Variants in MED13L observed in about 807,000 individuals in gnomAD.
MED13L encodes mediator complex subunit 13L.
Under a neutral mutation model 220.9 loss-of-function variants are expected in MED13L, and 7 were observed. The observed-to-expected ratio is 0.03, with a 90% CI of 0.02 to 0.06. The LOEUF (loss-of-function observed/expected upper bound fraction) is 0.06. Ranked by LOEUF, MED13L falls within the 10% of genes least tolerant of loss-of-function variation. The pLI, the probability that MED13L is intolerant of heterozygous loss-of-function variation, is 1.00. For synonymous variants in MED13L, 1,011 were observed against 1,015.2 expected (o/e 1.00, Z 0.08); for missense variants, 1,965 against 2,760.5 (o/e 0.71, Z 6.46).
In MED13L at chr12:115,975,340, G is replaced by C. The variant is rs750892689; in HGVS notation, c.5589-27C>G. 2.5e-6 allele frequency: 4 copies of C among 1,613,976 alleles called. No homozygotes were observed. In the South Asian group the frequency reaches 3.3e-5, roughly 13 times the overall value. On this transcript the variant is annotated intron_variant, in intron 24 of 30. Transcript: ENST00000281928. The stretch of plus-strand genomic sequence containing the variant: ...TAACAAATAAAGAAATGGGGAAGGG[G>C]AAGGGGTCCCTAGATAAATCAGAGT...
rs1254204157 is a variant in MED13L at position 116,277,257 on chromosome 12, G to A, written c.-126C>T. On this transcript the variant is annotated 5_prime_UTR_variant, in exon 1 of 31. Transcript: ENST00000281928. Reference sequence around the variant, plus strand: ...GGCCGGGCCGCCGCCGCCGCCGGGGGAGGGCGCGAGGGCCGGCGGGCAGGC... The same window carrying A: ...GGCCGGGCCGCCGCCGCCGCCGGGGAAGGGCGCGAGGGCCGGCGGGCAGGC... 28 of 247,112 alleles carry A rather than the reference G, an allele frequency of 1.1e-4. No individual in the cohort carries two copies. The highest frequency in any genetic ancestry group is 1.5e-4 in the Non-Finnish European group (24 of 158,964). The allele number at this position is 247,112 out of a possible 1,614,324, so 15.3% of individuals were successfully genotyped here.
At chr12:115,966,600 AG>A (rs1036388773) in intron 28 of MED13L, among the ~76,000 whole-genome samples, 3 of 152,206 alleles carry the variant, frequency 2.0e-5, no homozygotes, top group African/African-American at 7.2e-5. Flanking sequence ...CTCTTTCACC[AG>A]CAACCAGCCA....
At chr12:116,193,444 C>T (rs995460854) in intron 2 of MED13L, among the ~76,000 whole-genome samples, 1 of 152,060 alleles carries the variant, frequency 6.6e-6, no homozygotes, top group African/African-American at 2.4e-5. Context: ...AACTCAAGCA[C>T]AAATATCAAC....
intron 4 of MED13L, among the ~76,000 whole-genome samples, chr12:116,087,002 G>C (rs554766385): frequency 6.6e-6 from 1 of 152,198 alleles, no homozygotes; most frequent in East Asian, 1.9e-4. Flanking sequence ...CCATTATGTA[G>C]AAAGATTTAT....
chr12:115,973,674 T>C (rs12312570), intron 25 of MED13L, among the ~76,000 whole-genome samples: 8,607 of 152,110 alleles, frequency 0.057, 320 homozygotes, highest in East Asian at 0.089. Context: ...TAAGATTGAC[T>C]AAAAAAGCAG....
chr12:116,100,949 C>A (rs2137837755), intron 3 of MED13L, among the ~76,000 whole-genome samples: 1 of 152,186 alleles, frequency 6.6e-6, no homozygotes, highest in South Asian at 2.1e-4. Context: ...TTAATGAAAG[C>A]CACTATAAAT....
chr12:116,141,807 C>T (rs1877100713), intron 2 of MED13L, among the ~76,000 whole-genome samples: 1 of 152,086 alleles, frequency 6.6e-6, no homozygotes, highest in South Asian at 2.1e-4. Context: ...TTAGCTCACT[C>T]ATGAGCTAAC....
At chr12:116,161,256 T>C (rs776091825) in intron 2 of MED13L, among the ~76,000 whole-genome samples, 1 of 152,086 alleles carries the variant, frequency 6.6e-6, no homozygotes, top group African/African-American at 2.4e-5. Flanking sequence ...GGAGAACACA[T>C]TCAAACCACA....
intron 3 of MED13L, among the ~76,000 whole-genome samples, chr12:116,101,005 A>G (rs754214172): frequency 4.1e-4 from 62 of 152,342 alleles, no homozygotes; most frequent in Non-Finnish European, 6.9e-4. Context: ...ATCGCACACA[A>G]TTACACAGGG....
intron 4 of MED13L, among the ~76,000 whole-genome samples, chr12:116,046,643 C>T (rs1292240508): frequency 2.6e-5 from 4 of 152,182 alleles, no homozygotes; most frequent in East Asian, 1.9e-4. Context: ...TTCATTCTCA[C>T]TTCTATCTGT....
intron 4 of MED13L, among the ~76,000 whole-genome samples, chr12:116,086,072 A>G (rs1871651593): frequency 6.6e-6 from 1 of 152,216 alleles, no homozygotes; most frequent in African/African-American, 2.4e-5. Flanking sequence ...CACAATTGAC[A>G]CCACATTATG....
intron 4 of MED13L, among the ~76,000 whole-genome samples, chr12:116,080,446 G>A: frequency 6.6e-6 from 1 of 152,192 alleles, no homozygotes; most frequent in South Asian, 2.1e-4. Context: ...AGGCACATCT[G>A]AGGATCATGT....
At chr12:116,209,556 G>C (rs533312005) in intron 2 of MED13L, among the ~76,000 whole-genome samples, 3 of 152,088 alleles carry the variant, frequency 2.0e-5, no homozygotes, top group Admixed American at 6.6e-5. Flanking sequence ...AAGCAATGCC[G>C]TGAAAATCAT....
At chr12:116,122,813 A>C (rs1875212276) in intron 2 of MED13L, among the ~76,000 whole-genome samples, 1 of 152,188 alleles carries the variant, frequency 6.6e-6, no homozygotes, top group African/African-American at 2.4e-5. Context: ...ACACGACCCA[A>C]GTTAGCATTT....
At chr12:116,197,682 T>C (rs769617237) in intron 2 of MED13L, among the ~76,000 whole-genome samples, 2 of 151,994 alleles carry the variant, frequency 1.3e-5, no homozygotes, top group Non-Finnish European at 2.9e-5. Context: ...AGGAGAATCA[T>C]TGAACCCAGG....
At chr12:116,106,068 T>C (rs972073983) in intron 3 of MED13L, among the ~76,000 whole-genome samples, 8 of 152,176 alleles carry the variant, frequency 5.3e-5, no homozygotes, top group Non-Finnish European at 1.2e-4. Context: ...GAGGATATAG[T>C]ACTATAATCA....
chr12:116,066,116 T>TAC (rs374009581), intron 4 of MED13L, among the ~76,000 whole-genome samples: 354 of 152,082 alleles, frequency 2.3e-3, no homozygotes, highest in African/African-American at 7.9e-3. Context: ...CACACATACA[T>TAC]ACACACACAC....
At chr12:115,971,343 A>G (rs1446053984) in intron 26 of MED13L, among the ~76,000 whole-genome samples, 3 of 152,188 alleles carry the variant, frequency 2.0e-5, no homozygotes, top group Admixed American at 6.5e-5. Flanking sequence ...CTATAGTCTA[A>G]TGAGGACATC....
intron 4 of MED13L, among the ~76,000 whole-genome samples, chr12:116,088,233 C>A (rs1871883605): frequency 6.6e-6 from 1 of 152,114 alleles, no homozygotes; most frequent in Admixed American, 6.6e-5. Flanking sequence ...GAAACCCGAC[C>A]TTGGTTCTTA....
Sources: allele counts gnomAD v4.1 joint callset (sites outside exome capture counted in the v4.1 genomes callset), GRCh38; gene constraint gnomAD v4.1.1; transcripts MANE v1.5; gene names NCBI Gene and HGNC (gene_info 2026-07-23, HGNC 2026-07-21).